Variants in CLEC12A observed in about 807,000 individuals in gnomAD.
CLEC12A encodes C-type lectin protein CLL-1.
Under a neutral mutation model 26.5 loss-of-function variants are expected in CLEC12A, and 22 were observed. The observed-to-expected ratio is 0.83, with a 90% CI of 0.59 to 1.19. CLEC12A has a LOEUF of 1.19. Ranked by LOEUF, CLEC12A falls within the 50% of genes most tolerant of loss-of-function variation. The pLI is 0.00. For missense variants in CLEC12A, 353 were observed against 315.6 expected (o/e 1.12, Z -0.90); for synonymous variants, 119 against 101.9 (o/e 1.17, Z -1.01).
the CLEC12A span, among the ~76,000 whole-genome samples, chr12:10,002,283 T>C: frequency 6.6e-6 from 1 of 152,182 alleles, no homozygotes; most frequent in South Asian, 2.1e-4. Context: ...AAATTGTCTG[T>C]TTTAAAGGAA....
chr12:9,958,406 C>T (rs1863777095), intron 1 of CLEC12A, among the ~76,000 whole-genome samples: 1 of 152,080 alleles, frequency 6.6e-6, no homozygotes, highest in African/African-American at 2.4e-5. Context: ...GAGAATTGTC[C>T]CACTCCACCT....
intron 1 of CLEC12A, among the ~76,000 whole-genome samples, chr12:9,972,785 G>T (rs1047240042): frequency 6.6e-6 from 1 of 152,034 alleles, no homozygotes. Context: ...TTTTAATACT[G>T]AAATTTTTTT....
At chr12:9,988,906 A>G (rs916819321), downstream of CLEC12A, among the ~76,000 whole-genome samples, 5 of 152,238 alleles carry the variant, frequency 3.3e-5, no homozygotes, top group African/African-American at 1.2e-4. Context: ...ATAAAGACAC[A>G]TGCACATGTA....
In CLEC12A at chr12:9,971,491, T is replaced by C; in HGVS notation, c.-106T>C. On this transcript the variant is annotated 5_prime_UTR_variant, in exon 1 of 6. Transcript: ENST00000304361. ...ACTTGTAAGCTTAAGCTTCCGTTTA[T>C]AAACAGAAGTTTAAAATTATAGGTC... 1 of 1,461,088 alleles carries C rather than the reference T, an allele frequency of 6.8e-7. No individual in the cohort carries two copies. Among genetic ancestry groups the C allele is most frequent in the Admixed American group, 2.6e-5 (1 of 37,770 alleles). The allele number at this position is 1,461,088 out of a possible 1,614,324, so 90.5% of individuals were successfully genotyped here.
At chr12:9,953,188 G>C (rs1336849983) in intron 1 of CLEC12A, 1 of 123,088 alleles carries the variant, frequency 8.1e-6, no homozygotes, top group Non-Finnish European at 1.7e-5. Flanking sequence ...AGGTGGGGGG[G>C]TCAGCCCCCT....
chr12:9,984,995 A>G lies in CLEC12A; in HGVS notation c.767A>G (p.Gln256Arg). The change falls in exon 6 of 6, where the codon CAG (glutamine) becomes CGG (arginine). Residue 256 changes from glutamine (Q) to arginine (R), a missense_variant. Coordinates refer to ENST00000304361, the MANE Select transcript of CLEC12A (RefSeq NM_138337.6). ...TGTGAGAAGATGGCCAATCCAGTGC[A>G]GCTTGGTTCTACATATTTTAGGGAG... is the stretch of plus-strand genomic sequence containing the variant. ...MICEKMANPVQLGSTYFREA is the reference protein window; with the variant it reads ...MICEKMANPVRLGSTYFREA 6.5e-7 allele frequency: 1 copy of G among 1,538,816 alleles called. No individual in the cohort carries two copies. The highest frequency in any genetic ancestry group is 1.2e-5 in the South Asian group (1 of 81,216).
intron 1 of CLEC12A, among the ~76,000 whole-genome samples, chr12:9,960,167 C>T (rs1863806758): frequency 6.6e-6 from 1 of 152,176 alleles, no homozygotes; most frequent in South Asian, 2.1e-4. Context: ...AAACTAGTCA[C>T]TGTGGGATCC....
At chr12:9,993,408 A>AC (rs1455151678) in intron 4 of CLEC12A, 26 of 747,618 alleles carry the variant, frequency 3.5e-5, no homozygotes, top group South Asian at 1.5e-4. Context: ...AAAAAAAACA[A>AC]AAAAAAAAAC....
At chr12:9,984,447 G>A (rs143298062) in intron 5 of CLEC12A, among the ~76,000 whole-genome samples, 2 of 152,098 alleles carry the variant, frequency 1.3e-5, no homozygotes, top group Non-Finnish European at 2.9e-5. Flanking sequence ...TTGAACTTCA[G>A]GTGTCATATA....
At chr12:9,951,624 C>T (rs1413626662) in intron 1 of CLEC12A, 1 of 472,510 alleles carries the variant, frequency 2.1e-6, no homozygotes, top group Non-Finnish European at 3.9e-6. Flanking sequence ...TGAACTAGCC[C>T]AACAAACAGG....
intron 4 of CLEC12A, chr12:9,993,206 C>T: frequency 5.0e-6 from 8 of 1,612,736 alleles, no homozygotes; most frequent in Non-Finnish European, 6.8e-6. Flanking sequence ...AATGTTTGTT[C>T]TCACAGAAGG....
chr12:9,971,459 A>G lies in CLEC12A; in HGVS notation c.-138A>G, dbSNP rs560067034. The G allele has an allele frequency of 1.3e-4, 176 of 1,385,272 alleles. No homozygotes were observed. The African/African-American group carries it at 2.3e-3, about 18-fold the overall frequency. 85.8% of individuals were successfully genotyped at this position (1,385,272 alleles called of 1,614,324 possible). On this transcript the variant is annotated 5_prime_UTR_variant, in exon 1 of 6. Transcript: ENST00000304361. ...TTGGTACAGTAGGTTTATAAACAGA[A>G]GTTTAAACTTGTAAGCTTAAGCTTC...
At chr12:9,995,487 T>A (rs1865020402) in exon 5 of CLEC12A, 2 of 437,506 alleles carry the variant, frequency 4.6e-6, no homozygotes, top group South Asian at 4.1e-5. Context: ...TCTTCTTTTG[T>A]GTTTATAACA....
upstream of CLEC12A, among the ~76,000 whole-genome samples, chr12:9,969,662 T>A (rs1424482145): frequency 2.0e-5 from 3 of 152,188 alleles, no homozygotes; most frequent in Admixed American, 6.6e-5. Context: ...AGCAGAGCAA[T>A]AGAACACAGA....
At chr12:9,957,278 A>G (rs1163211095) in intron 1 of CLEC12A, among the ~76,000 whole-genome samples, 6 of 152,138 alleles carry the variant, frequency 3.9e-5, no homozygotes, top group African/African-American at 1.4e-4. Flanking sequence ...ACCTGAGGTC[A>G]GGAGTTTGAG....
chr12:9,979,245 C>G, intron 2 of CLEC12A, 91 bp from the exon 3 acceptor site: 1 of 1,093,142 alleles, frequency 9.1e-7, no homozygotes. Flanking sequence ...GCTTTCCCTA[C>G]CCCTTTAATC....
At chr12:9,981,698 C>T (rs574621288) in intron 4 of CLEC12A, among the ~76,000 whole-genome samples, 5 of 152,192 alleles carry the variant, frequency 3.3e-5, no homozygotes. Context: ...TACCCACCTC[C>T]TTTGGCCCTG....
chr12:9,966,029 TA>T (rs1297331928), intron 1 of CLEC12A, among the ~76,000 whole-genome samples: 2 of 152,114 alleles, frequency 1.3e-5, no homozygotes, highest in African/African-American at 4.8e-5. Context: ...ATAATTTAGT[TA>T]AAGTGTCTCA....
chr12:9,993,408 A>C, intron 4 of CLEC12A: 1 of 747,684 alleles, frequency 1.3e-6, no homozygotes, highest in Non-Finnish European at 2.1e-6. Flanking sequence ...AAAAAAAACA[A>C]AAAAAAAAAC....
Sources: gnomAD v4.1 joint callset for allele counts (sites outside exome capture counted in the v4.1 genomes callset) on GRCh38, gnomAD v4.1.1 for gene constraint, MANE v1.5 for transcripts, NCBI Gene and HGNC (gene_info 2026-07-23, HGNC 2026-07-21) for gene names.